SYN1: variants seen among roughly 807,000 people sequenced by gnomAD.
SYN1 encodes synapsin I, also known as synapsin-1.
Under a neutral mutation model 44.6 loss-of-function variants are expected in SYN1, and 8 were observed. The ratio of observed to expected loss-of-function variants is 0.18; its 90% CI spans 0.11 to 0.32. The LOEUF (loss-of-function observed/expected upper bound fraction) is 0.32. SYN1 is among the 10% of genes least tolerant of loss of function. SYN1 has a pLI of 1.00. For synonymous variants in SYN1, 275 were observed against 280.1 expected, an observed-to-expected ratio of 0.98 and a Z score of 0.18; for missense variants, 451 against 639.4, an observed-to-expected ratio of 0.71 and a Z score of 3.18.
intron 1 of SYN1, 26 bp downstream of exon 1, chrX:47,619,326 G>A: frequency 8.3e-7 from 1 of 1,200,344 alleles, no homozygotes. Flanking sequence ...CCAGGCCCAC[G>A]GGAGACGTCC....
chrX:47,585,772 C>A, intron 5 of SYN1: 1 of 1,165,992 alleles, frequency 8.6e-7, no homozygotes. Context: ...GTCCCTGTGG[C>A]TGCTCCCCAA....
chrX:47,617,024 G>A (rs1040153022), intron 1 of SYN1, among the ~76,000 whole-genome samples: 1 of 111,328 alleles, frequency 9.0e-6, no homozygotes, highest in Non-Finnish European at 1.9e-5. Flanking sequence ...GCTGGCAGGT[G>A]AGGATTTCAA....
chrX:47,587,440 G>T (rs1337382055), intron 5 of SYN1: 1 of 113,332 alleles, frequency 8.8e-6, no homozygotes, highest in East Asian at 2.8e-4. Context: ...AGGAGAGGTG[G>T]GATGGAGAGA....
intron 3 of SYN1, 151 bp downstream of exon 3, chrX:47,606,794 C>T (rs765662251): frequency 5.3e-4 from 249 of 468,788 alleles, no homozygotes; most frequent in East Asian, 4.5e-3. Context: ...GGGTCCCTGG[C>T]TCTTTTTCTG....
intron 10 of SYN1, 87 bp from the exon 11 acceptor site, chrX:47,574,862 G>T: frequency 2.1e-6 from 2 of 934,533 alleles, no homozygotes; most frequent in Non-Finnish European, 3.0e-6. Flanking sequence ...TTCCCTGTGC[G>T]CTGGGTGTTG....
chrX:47,579,895 A>G (rs1242069453), intron 5 of SYN1, among the ~76,000 whole-genome samples: 1 of 82,018 alleles, frequency 1.2e-5, no homozygotes, highest in Non-Finnish European at 2.2e-5. Flanking sequence ...CCATTTCTTC[A>G]TTCTCATTCC....
At chrX:47,599,715 A>G (rs749201554) in intron 5 of SYN1, among the ~76,000 whole-genome samples, 1 of 112,490 alleles carries the variant, frequency 8.9e-6, no homozygotes, top group African/African-American at 3.2e-5. Context: ...AGTTTGTGGC[A>G]AAGTTATCTC....
intron 5 of SYN1, among the ~76,000 whole-genome samples, chrX:47,580,319 G>A (rs950958406): frequency 4.7e-4 from 50 of 107,090 alleles, no homozygotes; most frequent in African/African-American, 1.4e-3. Context: ...CACCATGCCC[G>A]GCCAAGTGCT....
At chrX:47,600,973 C>A (rs1471685088) in intron 5 of SYN1, among the ~76,000 whole-genome samples, 1 of 111,166 alleles carries the variant, frequency 9.0e-6, no homozygotes, top group Non-Finnish European at 1.9e-5. Context: ...CCATTTTTTT[C>A]TAGGAAATTA....
intron 5 of SYN1, among the ~76,000 whole-genome samples, chrX:47,578,877 C>A (rs746482106): frequency 6.3e-5 from 7 of 111,407 alleles, no homozygotes; most frequent in East Asian, 2.8e-4. Flanking sequence ...CCTCTGCACA[C>A]CCCCCCTTCC....
At chrX:47,589,999 CCA>C (rs1366204437) in intron 5 of SYN1, 1 of 111,503 alleles carries the variant, frequency 9.0e-6, no homozygotes, top group Non-Finnish European at 1.9e-5. Context: ...CTCCCCCACA[CCA>C]GTCTCCTCAC....
intron 5 of SYN1, among the ~76,000 whole-genome samples, chrX:47,592,366 A>G (rs989291065): frequency 3.6e-5 from 4 of 109,736 alleles, no homozygotes; most frequent in Admixed American, 2.9e-4. Context: ...ATAAATAAAT[A>G]AATAAATGAA....
chrX:47,577,718 C>T (rs893322088), intron 5 of SYN1, among the ~76,000 whole-genome samples: 1 of 111,022 alleles, frequency 9.0e-6, no homozygotes, highest in Non-Finnish European at 1.9e-5. Context: ...CTGTCCCTCA[C>T]TCCACCCCAC....
rs777958240 is a variant in SYN1 at position 47,575,114 on chromosome X, G to A, written c.1305+14C>T. 3.4e-6 allele frequency: 4 copies of A among 1,185,382 alleles called. No homozygotes were observed. Among genetic ancestry groups the A allele is most frequent in the East Asian group, 3.1e-5 (1 of 32,045 alleles). On this transcript the variant is annotated intron_variant, in intron 10 of 12. Transcript: ENST00000295987. The stretch of plus-strand genomic sequence containing the variant: ...CACTAGCTCAAGCCACTAGCTCAGC[G>A]CCAGGGGCCTGACCTGGCCATGGGA...
At position 47,572,207 on chromosome X, in the gene SYN1, A is replaced by G. The variant is rs1015907093; in HGVS notation, c.*657T>C. On this transcript the variant is annotated 3_prime_UTR_variant, in exon 13 of 13. Transcript: ENST00000295987. ...ATGGGTGGAGTTTGCATATTTAAAG[A>G]CAGCTGTCAGAGGCAGGAAACTGGG... 3 of 115,009 alleles carry G rather than the reference A, an allele frequency of 2.6e-5. No individual in the cohort carries two copies. Among genetic ancestry groups the G allele is most frequent in the Non-Finnish European group, 5.4e-5 (3 of 55,381 alleles). 9.5% of individuals were successfully genotyped at this position (115,009 alleles called of 1,213,427 possible).
intron 3 of SYN1, among the ~76,000 whole-genome samples, chrX:47,605,814 GCAACCAGGC>G (rs1248926343): frequency 1.8e-5 from 2 of 111,177 alleles, no homozygotes; most frequent in Non-Finnish European, 3.8e-5. Context: ...TGTCTCTCCT[GCAACCAGGC>G]CACCCTATCC....
At chrX:47,585,795 T>C in intron 5 of SYN1, 1 of 1,157,474 alleles carries the variant, frequency 8.6e-7, no homozygotes, top group Non-Finnish European at 1.1e-6. Context: ...CTAAGGGCTG[T>C]CCCTGATCTC....
At chrX:47,619,203 G>T in intron 1 of SYN1, 149 bp downstream of exon 1, 1 of 927,170 alleles carries the variant, frequency 1.1e-6, no homozygotes, top group Non-Finnish European at 1.5e-6. Context: ...GGGGCACAGA[G>T]GAAGCATCCA....
intron 9 of SYN1, 145 bp from the exon 10 acceptor site, chrX:47,575,419 G>C: frequency 1.3e-6 from 1 of 793,874 alleles, no homozygotes; most frequent in Non-Finnish European, 1.8e-6. Context: ...AGGAAGGCTT[G>C]TCTGTTCCAA....
Sources: allele counts gnomAD v4.1 joint callset (sites outside exome capture counted in the v4.1 genomes callset), GRCh38; gene constraint gnomAD v4.1.1; transcripts MANE v1.5; gene names NCBI Gene and HGNC (gene_info 2026-07-23, HGNC 2026-07-21).